The following TMEM123 variants were observed in gnomAD, a reference collection of about 807,000 sequenced individuals.
TMEM123 encodes the protein transmembrane protein 123.
In TMEM123, 16 loss-of-function variants were observed where a neutral mutation model predicts 19.7. The observed-to-expected ratio is 0.81, with a 90% CI of 0.55 to 1.23. The LOEUF is 1.23. Among genes scored for constraint, TMEM123 ranks in the 50% most tolerant of loss-of-function variants. The pLI, the probability that TMEM123 is intolerant of heterozygous loss-of-function variation, is 0.00. For synonymous variants in TMEM123, 118 were observed against 99.4 expected (o/e 1.19, Z -1.12); for missense variants, 313 against 257.8 (o/e 1.21, Z -1.47).
At chr11:102,432,946 T>C (rs1183820224) in intron 2 of TMEM123, among the ~76,000 whole-genome samples, 1 of 148,632 alleles carries the variant, frequency 6.7e-6, no homozygotes, top group East Asian at 1.9e-4. Context: ...TGCACAGAAG[T>C]CAAGAATTGA....
chr11:102,451,033 T>A (rs1857933511), intron 1 of TMEM123, among the ~76,000 whole-genome samples: 1 of 152,248 alleles, frequency 6.6e-6, no homozygotes, highest in Non-Finnish European at 1.5e-5. Flanking sequence ...TCTGGTTGGT[T>A]ATACTAGTTT....
intron 2 of TMEM123, among the ~76,000 whole-genome samples, chr11:102,409,551 TAAAAA>T (rs963670644): frequency 6.9e-6 from 1 of 145,782 alleles, no homozygotes; most frequent in East Asian, 2.0e-4. Context: ...AAATCTAGAT[TAAAAA>T]AAAAAAGATC....
intron 2 of TMEM123, among the ~76,000 whole-genome samples, chr11:102,419,106 G>A (rs760951835): frequency 7.9e-5 from 12 of 151,838 alleles, no homozygotes; most frequent in South Asian, 2.1e-4. Flanking sequence ...CACCAAACCC[G>A]TCACACATGA....
chr11:102,449,435 CA>C (rs1857916531), intron 1 of TMEM123: 1 of 153,236 alleles, frequency 6.5e-6, no homozygotes, highest in Non-Finnish European at 1.5e-5. Context: ...AGCAACTTTT[CA>C]GAGTGCTTTA....
chr11:102,400,002 ATTTTTGTT>A (rs1480466754), intron 4 of TMEM123, among the ~76,000 whole-genome samples: 1 of 146,026 alleles, frequency 6.8e-6, no homozygotes, highest in Non-Finnish European at 1.6e-5. Context: ...TTAAATTATC[ATTTTTGTT>A]TAAGTATTAG....
rs543336455 is a variant in TMEM123, at chr11:102,423,010, A to G, written c.158-20804T>C. On this transcript the variant is annotated intron_variant, in intron 2 of 4. Transcript: ENST00000398136. ...CTCAGGCCCTCAGAACCCAACACCTACTGACTCGACAATCCCACTTCTAAG... is the reference window on the plus strand; with the variant it reads ...CTCAGGCCCTCAGAACCCAACACCTGCTGACTCGACAATCCCACTTCTAAG... Among the ~76,000 whole-genome samples the G allele has an allele frequency of 5.0e-4, 76 of 152,310 alleles. 1 individual carries two copies. In the South Asian group the frequency reaches 0.015, roughly 30 times the overall value.
At chr11:102,427,393 A>G (rs1047747824) in intron 2 of TMEM123, among the ~76,000 whole-genome samples, 3 of 151,748 alleles carry the variant, frequency 2.0e-5, no homozygotes, top group African/African-American at 7.3e-5. Flanking sequence ...GGGAGAAGGC[A>G]GAAGTGGAAG....
intron 2 of TMEM123, among the ~76,000 whole-genome samples, chr11:102,414,777 G>C (rs1246575253): frequency 1.3e-5 from 2 of 152,072 alleles, no homozygotes; most frequent in African/African-American, 4.8e-5. Flanking sequence ...ACACTACAAA[G>C]CAACTACACA....
chr11:102,398,834 A>T lies in TMEM123; in HGVS notation c.*33T>A, dbSNP rs1233221912. 6.2e-7 allele frequency: 1 copy of T among 1,606,576 alleles called. No individual in the cohort carries two copies. Among genetic ancestry groups the T allele is most frequent in the Non-Finnish European group, 8.5e-7 (1 of 1,177,104 alleles). On this transcript the variant is annotated 3_prime_UTR_variant, in exon 5 of 5. Coordinates refer to ENST00000398136, the MANE Select transcript of TMEM123 (RefSeq NM_052932.3). ...CAAAATTAATTGATAGGGCAGCATC[A>T]ATCTGTATTCCATCCTTGGTCCATG...
chr11:102,429,308 C>A (rs1341092405), intron 2 of TMEM123, among the ~76,000 whole-genome samples: 1 of 152,154 alleles, frequency 6.6e-6, no homozygotes, highest in Non-Finnish European at 1.5e-5. Flanking sequence ...AAATTTAAAT[C>A]TGGGATGATG....
intron 2 of TMEM123, among the ~76,000 whole-genome samples, chr11:102,427,741 G>A (rs939390779): frequency 6.6e-5 from 10 of 151,580 alleles, no homozygotes; most frequent in Admixed American, 5.9e-4. Context: ...GGGAGGCTGA[G>A]GCAGGAGAAT....
At position 102,397,597 on chromosome 11, in the gene TMEM123, G is replaced by A. The variant is rs2135838277; in HGVS notation, c.*1270C>T. On this transcript the variant is annotated 3_prime_UTR_variant, in exon 5 of 5. Coordinates refer to ENST00000398136, the MANE Select transcript of TMEM123 (RefSeq NM_052932.3). The stretch of plus-strand genomic sequence containing the variant: ...GAGAGTACTTCTCCTTCAGCATGGA[G>A]TAAGAGGAGGGATTTGAGGGAATAT... 1 of 152,282 alleles carries A rather than the reference G, an allele frequency of 6.6e-6. No homozygotes were observed. The highest frequency in any genetic ancestry group is 3.4e-3 in the Middle Eastern group (1 of 294). The allele number at this position is 152,282 out of a possible 1,614,324, so 9.4% of individuals were successfully genotyped here. A position where few individuals can be genotyped will look rare whatever the true frequency, so the allele number is the denominator to read the frequency against.
In TMEM123 at chr11:102,448,869, C is replaced by T. The variant is rs373908792; in HGVS notation, c.101-1G>A. Reference sequence around the variant, plus strand: ...CCAGAATTCTCTATGTTTGCAGATGCTGTAAAAATAAAGAAATATCCTGTT... The same window carrying T: ...CCAGAATTCTCTATGTTTGCAGATGTTGTAAAAATAAAGAAATATCCTGTT... On this transcript the variant is annotated splice_acceptor_variant, in intron 1 of 4. Coordinates refer to ENST00000398136, the MANE Select transcript of TMEM123 (RefSeq NM_052932.3). LOFTEE classifies it high-confidence loss of function. 1 of 1,613,418 alleles carries T rather than the reference C, an allele frequency of 6.2e-7. No individual in the cohort carries two copies. The highest frequency in any genetic ancestry group is 8.5e-7 in the Non-Finnish European group (1 of 1,179,558).
At chr11:102,450,486 C>T (rs192488634) in intron 1 of TMEM123, among the ~76,000 whole-genome samples, 75 of 152,302 alleles carry the variant, frequency 4.9e-4, no homozygotes, top group African/African-American at 1.7e-3. Context: ...CTCCCTCCTC[C>T]TTCAACTGAT....
chr11:102,435,439 A>G (rs931967054), intron 2 of TMEM123, among the ~76,000 whole-genome samples: 1 of 151,978 alleles, frequency 6.6e-6, no homozygotes, highest in Non-Finnish European at 1.5e-5. Flanking sequence ...TACAACAACA[A>G]GGACTGGTGA....
intron 2 of TMEM123, among the ~76,000 whole-genome samples, chr11:102,431,455 A>C (rs1429520411): frequency 6.6e-6 from 1 of 152,194 alleles, no homozygotes; most frequent in South Asian, 2.1e-4. Context: ...ACGATAAACT[A>C]TATTCACTAT....
chr11:102,408,038 CATAA>C (rs1190809548), intron 2 of TMEM123, among the ~76,000 whole-genome samples: 3 of 152,110 alleles, frequency 2.0e-5, no homozygotes, highest in African/African-American at 7.2e-5. Flanking sequence ...GAAGTAAGTC[CATAA>C]ATACTTGTCA....
intron 2 of TMEM123, among the ~76,000 whole-genome samples, chr11:102,418,156 A>G (rs917650695): frequency 1.3e-4 from 20 of 152,148 alleles, no homozygotes; most frequent in African/African-American, 4.8e-4. Context: ...CAGAGACACC[A>G]AAGGCAACTG....
intron 2 of TMEM123, among the ~76,000 whole-genome samples, chr11:102,425,049 C>G (rs1952114933): frequency 6.6e-6 from 1 of 152,194 alleles, no homozygotes; most frequent in East Asian, 1.9e-4. Context: ...GTATCCATTT[C>G]TATTCTCAAG....
Sources: allele counts gnomAD v4.1 joint callset (sites outside exome capture counted in the v4.1 genomes callset), GRCh38; gene constraint gnomAD v4.1.1; transcripts MANE v1.5; gene names NCBI Gene and HGNC (gene_info 2026-07-23, HGNC 2026-07-21).